FHIT: variants seen among roughly 807,000 people sequenced by gnomAD.
FHIT encodes fragile histidine triad diadenosine triphosphatase, also known as bis(5'-adenosyl)-triphosphatase.
FHIT carries 19 observed loss-of-function variants against 17.9 expected under a neutral mutation model. The ratio of observed to expected loss-of-function variants is 1.06; its 90% CI spans 0.74 to 1.56. The LOEUF is 1.56. Among genes scored for constraint, FHIT ranks in the 40% most tolerant of loss-of-function variants. The probability of loss-of-function intolerance (pLI) is 0.00; values close to 1 mark genes in which losing one functional copy is unlikely to be tolerated. For missense variants in FHIT, 248 were observed against 189.2 expected, an observed-to-expected ratio of 1.31 and a Z score of -1.82; for synonymous variants, 81 against 69.7, an observed-to-expected ratio of 1.16 and a Z score of -0.81.
At chr3:61,026,280 A>G (rs1031582844) in intron 3 of FHIT, among the ~76,000 whole-genome samples, 1 of 152,140 alleles carries the variant, frequency 6.6e-6, no homozygotes, top group African/African-American at 2.4e-5. Context: ...TCCTTAGCAG[A>G]AGCCAAGAGT....
chr3:60,684,306 T>G (rs774979143), intron 4 of FHIT, among the ~76,000 whole-genome samples: 5 of 152,116 alleles, frequency 3.3e-5, no homozygotes, highest in Non-Finnish European at 5.9e-5. Context: ...GATCCTCAAT[T>G]TAATCATATC....
chr3:59,923,310 G>A (rs190297709), intron 7 of FHIT, among the ~76,000 whole-genome samples: 164 of 151,598 alleles, frequency 1.1e-3, no homozygotes, highest in African/African-American at 3.8e-3. Context: ...ATCAATGTTC[G>A]GTGAGGACAG....
At chr3:60,049,911 C>T (rs77863121) in intron 5 of FHIT, among the ~76,000 whole-genome samples, 9,024 of 152,190 alleles carry the variant, frequency 0.059, 280 homozygotes, top group South Asian at 0.092. Context: ...CCATATCAAA[C>T]AACCCTCCAA....
intron 4 of FHIT, among the ~76,000 whole-genome samples, chr3:60,803,251 G>A (rs1701259448): frequency 6.6e-6 from 1 of 152,158 alleles, no homozygotes; most frequent in South Asian, 2.1e-4. Flanking sequence ...TGTGTGCACC[G>A]CATGATCTGT....
intron 8 of FHIT, among the ~76,000 whole-genome samples, chr3:59,785,658 A>AG (rs1702818445): frequency 6.6e-6 from 1 of 152,188 alleles, no homozygotes; most frequent in African/African-American, 2.4e-5. Context: ...AGGTAGAAAA[A>AG]GAAAGTTTAC....
At chr3:60,192,907 T>C (rs551594627) in intron 5 of FHIT, among the ~76,000 whole-genome samples, 2 of 152,326 alleles carry the variant, frequency 1.3e-5, no homozygotes, top group African/African-American at 4.8e-5. Flanking sequence ...ATGACACAAG[T>C]TTCTACTGAA....
chr3:60,092,076 G>T (rs1031614784), intron 5 of FHIT, among the ~76,000 whole-genome samples: 23 of 152,168 alleles, frequency 1.5e-4, no homozygotes, highest in African/African-American at 5.5e-4. Context: ...GCATTTTAAG[G>T]AATAGTACGA....
intron 2 of FHIT, among the ~76,000 whole-genome samples, chr3:61,150,126 A>G (rs2037343867): frequency 7.3e-6 from 1 of 136,888 alleles, no homozygotes; most frequent in Non-Finnish European, 1.6e-5. Context: ...ATAATGATAA[A>G]TGAGTCCAAC....
At chr3:60,528,108 G>T (rs1271743728) in intron 5 of FHIT, among the ~76,000 whole-genome samples, 1 of 152,144 alleles carries the variant, frequency 6.6e-6, no homozygotes, top group East Asian at 1.9e-4. Flanking sequence ...CTAGTAGTTA[G>T]GACTACAGAT....
intron 5 of FHIT, among the ~76,000 whole-genome samples, chr3:60,464,518 T>C (rs2032672697): frequency 6.6e-6 from 1 of 152,064 alleles, no homozygotes; most frequent in Non-Finnish European, 1.5e-5. Flanking sequence ...CAACTACCCT[T>C]CCCAGCTTCT....
At chr3:60,526,926 C>A (rs2035597264) in intron 5 of FHIT, among the ~76,000 whole-genome samples, 1 of 152,198 alleles carries the variant, frequency 6.6e-6, no homozygotes, top group Non-Finnish European at 1.5e-5. Flanking sequence ...CATCCCTACA[C>A]TCCTCATTTC....
intron 3 of FHIT, among the ~76,000 whole-genome samples, chr3:61,040,114 C>T (rs1247004917): frequency 6.6e-6 from 1 of 152,182 alleles, no homozygotes; most frequent in Non-Finnish European, 1.5e-5. Context: ...CGAAACCTTA[C>T]TCTCCCCTTT....
chr3:61,000,730 C>T (rs2031017569), intron 3 of FHIT, among the ~76,000 whole-genome samples: 1 of 152,158 alleles, frequency 6.6e-6, no homozygotes, highest in African/African-American at 2.4e-5. Flanking sequence ...CCAATATACC[C>T]TATGCCGGGT....
chr3:60,842,216 G>A (rs1702744309), intron 3 of FHIT, among the ~76,000 whole-genome samples: 2 of 152,076 alleles, frequency 1.3e-5, no homozygotes, highest in South Asian at 2.1e-4. Flanking sequence ...TGACACCAGT[G>A]AATCTGGAGT....
intron 4 of FHIT, among the ~76,000 whole-genome samples, chr3:60,568,595 C>G (rs1377767565): frequency 6.6e-6 from 1 of 151,768 alleles, no homozygotes; most frequent in Non-Finnish European, 1.5e-5. Flanking sequence ...TACCCTGAAA[C>G]TTAAAGTATA....
chr3:60,122,984 C>CT (rs1010394549), intron 5 of FHIT, among the ~76,000 whole-genome samples: 1 of 152,144 alleles, frequency 6.6e-6, no homozygotes, highest in African/African-American at 2.4e-5. Context: ...AATCCTATGC[C>CT]TTGTAATGGG....
At chr3:59,887,975 T>C (rs542496073) in intron 8 of FHIT, among the ~76,000 whole-genome samples, 7 of 152,322 alleles carry the variant, frequency 4.6e-5, no homozygotes, top group South Asian at 2.1e-4. Context: ...GAAGGAGAGA[T>C]ACCTTCATCA....
intron 4 of FHIT, among the ~76,000 whole-genome samples, chr3:60,781,058 TA>T (rs1432590558): frequency 2.0e-5 from 3 of 152,176 alleles, no homozygotes; most frequent in East Asian, 3.9e-4. Flanking sequence ...TTAGCTGAAC[TA>T]AGGAAAAGTC....
At chr3:60,568,807 A>C (rs2037234793) in intron 4 of FHIT, among the ~76,000 whole-genome samples, 1 of 152,102 alleles carries the variant, frequency 6.6e-6, no homozygotes. Flanking sequence ...TATTTTTAAC[A>C]GGAGCACATA....
Sources: gnomAD v4.1 joint callset for allele counts (sites outside exome capture counted in the v4.1 genomes callset) on GRCh38, gnomAD v4.1.1 for gene constraint, MANE v1.5 for transcripts, NCBI Gene and HGNC (gene_info 2026-07-23, HGNC 2026-07-21) for gene names.